The following SLC36A1 variants were observed in gnomAD, a reference collection of about 807,000 sequenced individuals.
SLC36A1 encodes solute carrier family 36 member 1.
SLC36A1 carries 30 observed loss-of-function variants against 47.5 expected under a neutral mutation model. The ratio of observed to expected loss-of-function variants is 0.63; its 90% confidence interval spans 0.47 to 0.86. SLC36A1 has a LOEUF of 0.86. Among genes scored for constraint, SLC36A1 ranks in the 40% least tolerant of loss-of-function variants. The pLI, the probability that SLC36A1 is intolerant of heterozygous loss-of-function variation, is 0.00. For missense variants in SLC36A1, 517 were observed against 606.0 expected (o/e 0.85, Z 1.54); for synonymous variants, 255 against 249.7 (o/e 1.02, Z -0.20).
chr5:151,496,366 A>G (rs1332127497), downstream of SLC36A1, among the ~76,000 whole-genome samples: 1 of 152,202 alleles, frequency 6.6e-6, no homozygotes, highest in Non-Finnish European at 1.5e-5. Context: ...AGTCTCTGGT[A>G]TGTCTGGTAT....
chr5:151,423,249 T>C, the SLC36A1 span, among the ~76,000 whole-genome samples: 1 of 152,228 alleles, frequency 6.6e-6, no homozygotes, highest in African/African-American at 2.4e-5. Flanking sequence ...AAATGAAATA[T>C]ACTCTTACCG....
chr5:151,447,931 T>G (rs1581040419), intron 1 of SLC36A1, 118 bp downstream of exon 1: 1 of 152,340 alleles, frequency 6.6e-6, no homozygotes, highest in Non-Finnish European at 1.5e-5. Context: ...AGATCCCTTG[T>G]CCCTCGCGCT....
At chr5:151,477,943 A>T (rs558977601) in intron 9 of SLC36A1, among the ~76,000 whole-genome samples, 1 of 152,246 alleles carries the variant, frequency 6.6e-6, no homozygotes, top group South Asian at 2.1e-4. Flanking sequence ...ATTTGGGTAT[A>T]ATTTATTTGG....
At chr5:151,552,620 CA>C in the SLC36A1 span, among the ~76,000 whole-genome samples, 1 of 152,196 alleles carries the variant, frequency 6.6e-6, no homozygotes, top group Non-Finnish European at 1.5e-5. Flanking sequence ...AAGCGTTCGT[CA>C]GATTCCTGAA....
rs372174444 is a variant in SLC36A1 at position 151,467,932 on chromosome 5, G to A, written c.723+7G>A. 6.1e-5 allele frequency: 99 copies of A among 1,610,984 alleles called. No individual in the cohort carries two copies. Among genetic ancestry groups the A allele is most frequent in the Non-Finnish European group, 7.6e-5 (89 of 1,177,682 alleles). On this transcript the variant is annotated splice_region_variant and intron_variant, in intron 7 of 10. Transcript: ENST00000243389. The stretch of plus-strand genomic sequence containing the variant: ...CTACCAGTTCATTGTTCAGGTACAT[G>A]CCTAGGCCCTCTCCTATCATCTTGG...
chr5:151,534,717 C>T, the SLC36A1 span: 1 of 1,304,470 alleles, frequency 7.7e-7, no homozygotes, highest in Non-Finnish European at 1.1e-6. Flanking sequence ...TATATATCTA[C>T]AGGAGACAAA....
At chr5:151,545,535 A>G in the SLC36A1 span, 1 of 1,614,126 alleles carries the variant, frequency 6.2e-7, no homozygotes, top group Middle Eastern at 1.6e-4. Context: ...AATCATTCAC[A>G]TCTCTGACAT....
At chr5:151,374,390 G>T in the SLC36A1 span, among the ~76,000 whole-genome samples, 3 of 152,146 alleles carry the variant, frequency 2.0e-5, no homozygotes, top group Non-Finnish European at 4.4e-5. Flanking sequence ...CGCTCTTGGG[G>T]TTCGAACCGA....
chr5:151,555,629 C>A, the SLC36A1 span, among the ~76,000 whole-genome samples: 18 of 152,152 alleles, frequency 1.2e-4, no homozygotes, highest in Admixed American at 1.2e-3. Flanking sequence ...CTCAGCCTCC[C>A]AAAGTGCTGG....
At chr5:151,389,457 A>G in the SLC36A1 span, among the ~76,000 whole-genome samples, 2 of 151,772 alleles carry the variant, frequency 1.3e-5, no homozygotes, top group African/African-American at 2.4e-5. Flanking sequence ...CATGTGCACA[A>G]TGTGCAGGTT....
the SLC36A1 span, among the ~76,000 whole-genome samples, chr5:151,399,084 A>ATATATATATT: frequency 6.7e-4 from 40 of 60,034 alleles, no homozygotes; most frequent in Admixed American, 1.1e-3. Context: ...ATATATATAT[A>ATATATATATT]TTTTTTTTTT....
At chr5:151,454,083 A>ATTTTTTT (rs35097474) in intron 1 of SLC36A1, among the ~76,000 whole-genome samples, 3 of 88,104 alleles carry the variant, frequency 3.4e-5, no homozygotes, top group African/African-American at 9.4e-5. Context: ...GTACACTTAA[A>ATTTTTTT]TTTTTTTTTT....
At chr5:151,494,348 A>G (rs1241933227), downstream of SLC36A1, among the ~76,000 whole-genome samples, 2 of 152,126 alleles carry the variant, frequency 1.3e-5, no homozygotes, top group Non-Finnish European at 2.9e-5. Context: ...CCTTTTTCAA[A>G]TGTGCAGTTC....
At chr5:151,396,825 G>C in the SLC36A1 span, among the ~76,000 whole-genome samples, 1 of 152,166 alleles carries the variant, frequency 6.6e-6, no homozygotes, top group Non-Finnish European at 1.5e-5. Context: ...CATTTTACAG[G>C]TAAGGAAGCT....
chr5:151,522,675 G>A, the SLC36A1 span, among the ~76,000 whole-genome samples: 27 of 152,334 alleles, frequency 1.8e-4, no homozygotes, highest in Middle Eastern at 6.8e-3. Flanking sequence ...CTTTGATCAG[G>A]TAGAAGAGAA....
the SLC36A1 span, chr5:151,545,440 G>T: frequency 6.2e-7 from 1 of 1,614,108 alleles, no homozygotes; most frequent in African/African-American, 1.3e-5. Flanking sequence ...TTCATCGCTG[G>T]CCCGCACCAT....
intron 4 of SLC36A1, among the ~76,000 whole-genome samples, chr5:151,464,868 A>G (rs1756106272): frequency 6.6e-6 from 1 of 152,184 alleles, no homozygotes; most frequent in African/African-American, 2.4e-5. Flanking sequence ...AAATGATTCT[A>G]CCAGATGGTT....
intron 10 of SLC36A1, among the ~76,000 whole-genome samples, chr5:151,485,665 C>G (rs777801141): frequency 6.6e-6 from 1 of 152,198 alleles, no homozygotes; most frequent in Non-Finnish European, 1.5e-5. Flanking sequence ...ACCCTCTGGG[C>G]CTCTCTTTCC....
upstream of SLC36A1, among the ~76,000 whole-genome samples, chr5:151,433,858 A>G (rs1332429419): frequency 1.5e-5 from 2 of 131,350 alleles, no homozygotes; most frequent in South Asian, 4.8e-4. Flanking sequence ...TCAATATCCC[A>G]CCCCCACCCT....
Sources: allele counts gnomAD v4.1 joint callset (sites outside exome capture counted in the v4.1 genomes callset), GRCh38; gene constraint gnomAD v4.1.1; transcripts MANE v1.5; gene names NCBI Gene and HGNC (gene_info 2026-07-23, HGNC 2026-07-21).